Variants in DIXDC1 observed in about 807,000 individuals in gnomAD.
The protein encoded by DIXDC1 is DIX domain containing 1.
DIXDC1 carries 64 observed loss-of-function variants against 103.1 expected under a neutral mutation model. The ratio of observed to expected loss-of-function variants is 0.62; its 90% CI spans 0.51 to 0.76. The LOEUF (loss-of-function observed/expected upper bound fraction) is 0.76. Among genes scored for constraint, DIXDC1 ranks in the 30% least tolerant of loss-of-function variants. The pLI, the probability that DIXDC1 is intolerant of heterozygous loss-of-function variation, is 0.00. For synonymous variants in DIXDC1, 266 were observed against 298.5 expected, an observed-to-expected ratio of 0.89 and a Z score of 1.12; for missense variants, 759 against 834.2, an observed-to-expected ratio of 0.91 and a Z score of 1.11.
At chr11:111,995,985 G>A in intron 16 of DIXDC1, 95 bp from the exon 17 acceptor site, 1 of 1,057,106 alleles carries the variant, frequency 9.5e-7, no homozygotes, top group South Asian at 1.4e-5. Flanking sequence ...TGGTAGAAAA[G>A]TATGTAGTAT....
At chr11:111,955,153 T>A (rs587597729) in intron 1 of DIXDC1, among the ~76,000 whole-genome samples, 58 of 151,758 alleles carry the variant, frequency 3.8e-4, no homozygotes, top group African/African-American at 1.2e-3. Context: ...CTGGGCAACA[T>A]GGCAAAACCC....
chr11:111,939,545 G>C (rs72991426), intron 1 of DIXDC1, among the ~76,000 whole-genome samples: 4 of 152,238 alleles, frequency 2.6e-5, no homozygotes, highest in African/African-American at 9.6e-5. Context: ...GTGTACGTCT[G>C]TTCCTCTCTG....
intron 19 of DIXDC1, 39 bp from the exon 20 acceptor site, chr11:112,018,917 C>G (rs782767224): frequency 1.9e-6 from 3 of 1,558,384 alleles, no homozygotes; most frequent in East Asian, 4.5e-5. Flanking sequence ...GAATCAGATT[C>G]CCTGTTTTTT....
intron 1 of DIXDC1, among the ~76,000 whole-genome samples, chr11:111,954,793 G>A (rs1018351671): frequency 2.0e-5 from 3 of 152,102 alleles, no homozygotes; most frequent in African/African-American, 7.2e-5. Context: ...GTTTTCTCAG[G>A]AGAAAGGAGT....
intron 5 of DIXDC1, chr11:111,975,844 A>G: frequency 1.0e-6 from 1 of 984,856 alleles, no homozygotes; most frequent in African/African-American, 1.7e-5. Context: ...CACATTTCCT[A>G]ATTTATTGAG....
At chr11:111,970,137 C>T (rs1451316003) in intron 3 of DIXDC1, among the ~76,000 whole-genome samples, 1 of 152,188 alleles carries the variant, frequency 6.6e-6, no homozygotes, top group Admixed American at 6.5e-5. Context: ...CTCACTGCAA[C>T]GTCCGCCTCC....
At chr11:112,016,532 C>G (rs1311284593) in intron 17 of DIXDC1, among the ~76,000 whole-genome samples, 159 bp from the exon 18 acceptor site, 2 of 152,114 alleles carry the variant, frequency 1.3e-5, no homozygotes, top group Non-Finnish European at 2.9e-5. Flanking sequence ...CCTCGTGGTC[C>G]TAGGCAACCA....
chr11:111,951,733 A>T (rs587741023), intron 1 of DIXDC1, among the ~76,000 whole-genome samples: 65 of 152,294 alleles, frequency 4.3e-4, no homozygotes, highest in African/African-American at 1.4e-3. Flanking sequence ...ATGGCTTATG[A>T]GGCAGAGTTT....
upstream of DIXDC1, among the ~76,000 whole-genome samples, chr11:111,933,081 T>G (rs1966081428): frequency 6.6e-6 from 1 of 152,230 alleles, no homozygotes; most frequent in African/African-American, 2.4e-5. Flanking sequence ...TACGTATAAT[T>G]AAGTACTAAA....
At chr11:112,010,267 T>A (rs928748927) in intron 17 of DIXDC1, among the ~76,000 whole-genome samples, 1 of 152,126 alleles carries the variant, frequency 6.6e-6, no homozygotes, top group African/African-American at 2.4e-5. Flanking sequence ...GACCTCTTCA[T>A]GGAGAACTAC....
chr11:111,994,997 A>G, intron 14 of DIXDC1, 22 bp from the exon 15 acceptor site: 2 of 1,605,936 alleles, frequency 1.2e-6, no homozygotes, highest in Non-Finnish European at 1.7e-6. Context: ...TTAACAAGCA[A>G]CATTTCTTCA....
Position 112,018,960 on chromosome 11 carries a change from T to C in DIXDC1, c.1976T>C (p.Phe659Ser). The C allele has an allele frequency of 6.2e-7, 1 of 1,613,520 alleles. No individual in the cohort carries two copies. The highest frequency in any genetic ancestry group is 8.5e-7 in the Non-Finnish European group (1 of 1,179,618). The change falls in exon 20 of 20, where the codon TTC becomes TCC. Residue 659 changes from phenylalanine to serine, a missense_variant. This residue lies in a region of DIXDC1 where 657 missense variants were observed against 727.5 expected (regional missense o/e 0.90). Transcript: ENST00000440460. ...PEFGTVKEEIFHDDDAIPGWE... is the reference protein window; with the variant it reads ...PEFGTVKEEISHDDDAIPGWE... Reference sequence around the variant, plus strand: ...GCTTTTTGTTTTTTTCTCTAGATTTTCCATGATGATGATGCCATCCCTGGA... The same window carrying C: ...GCTTTTTGTTTTTTTCTCTAGATTTCCCATGATGATGATGCCATCCCTGGA...
intron 17 of DIXDC1, among the ~76,000 whole-genome samples, chr11:112,002,872 A>G (rs1461730815): frequency 6.6e-6 from 1 of 152,202 alleles, no homozygotes; most frequent in South Asian, 2.1e-4. Context: ...ATAGAAAAAA[A>G]TATATATATG....
At position 111,970,685 on chromosome 11, in the gene DIXDC1, G is replaced by A. The variant is rs112538667; in HGVS notation, c.316+2047G>A. On this transcript the variant is annotated intron_variant, in intron 3 of 19. Coordinates refer to ENST00000440460, the MANE Select transcript of DIXDC1 (RefSeq NM_001037954.4). Reference sequence around the variant, plus strand: ...TCAAAAAAAAAAAAAAAAGAACAAAGCTACAAAGCTGGGGTGTCACATTAC... The same window carrying A: ...TCAAAAAAAAAAAAAAAAGAACAAAACTACAAAGCTGGGGTGTCACATTAC... 6.5e-3 allele frequency among the ~76,000 whole-genome samples: 966 copies of A among 147,928 alleles called. 11 individuals are homozygous for A. The highest frequency in any genetic ancestry group is 0.022 in the African/African-American group (911 of 40,552).
Position 111,950,080 on chromosome 11 carries a change from A to G in DIXDC1, c.60+12521A>G, listed in dbSNP as rs146902657. 4.4e-4 allele frequency among the ~76,000 whole-genome samples: 67 copies of G among 152,270 alleles called. No individual in the cohort carries two copies. The East Asian group carries it at 0.012, about 28-fold the overall frequency. Reference sequence around the variant, plus strand: ...GCATGGAATGACAGGATCTCTTGAGACACAATCTAGCAAGGTGAAATTTAT... The same window carrying G: ...GCATGGAATGACAGGATCTCTTGAGGCACAATCTAGCAAGGTGAAATTTAT... On this transcript the variant is annotated intron_variant, in intron 1 of 19. Coordinates refer to ENST00000440460, the MANE Select transcript of DIXDC1 (RefSeq NM_001037954.4).
At chr11:111,975,785 G>T (rs1388861827) in intron 5 of DIXDC1, 2 of 985,112 alleles carry the variant, frequency 2.0e-6, no homozygotes, top group Non-Finnish European at 2.4e-6. Flanking sequence ...ATGTGTCCTT[G>T]TTTTCTTCCT....
intron 19 of DIXDC1, among the ~76,000 whole-genome samples, chr11:112,018,301 A>G (rs915759930): frequency 1.3e-5 from 2 of 152,206 alleles, no homozygotes; most frequent in African/African-American, 4.8e-5. Flanking sequence ...GGAGTTATGT[A>G]TGCTTATGCC....
At chr11:111,988,512 A>G (rs1860577538) in intron 9 of DIXDC1, among the ~76,000 whole-genome samples, 2 of 152,308 alleles carry the variant, frequency 1.3e-5, no homozygotes, top group South Asian at 4.1e-4. Flanking sequence ...GTATTTCATT[A>G]TTAGGCTAAA....
chr11:111,978,826 T>C (rs181787371), intron 5 of DIXDC1, among the ~76,000 whole-genome samples: 27 of 152,348 alleles, frequency 1.8e-4, no homozygotes, highest in African/African-American at 6.3e-4. Flanking sequence ...CAGGCCGCTT[T>C]CTACACTTGG....
Sources: allele counts gnomAD v4.1 joint callset (sites outside exome capture counted in the v4.1 genomes callset), GRCh38; gene constraint gnomAD v4.1.1; regional missense constraint gnomAD v4.1.1; transcripts MANE v1.5; gene names NCBI Gene and HGNC (gene_info 2026-07-23, HGNC 2026-07-21).